The following NDUFA10 variants were observed in gnomAD, a reference collection of about 807,000 sequenced individuals.
NDUFA10 encodes NADH dehydrogenase [ubiquinone] 1 alpha subcomplex subunit 10, mitochondrial.
In NDUFA10, 40 loss-of-function variants were observed where a neutral mutation model predicts 47.8. The observed-to-expected ratio is 0.84, with a 90% CI of 0.65 to 1.09. The LOEUF (loss-of-function observed/expected upper bound fraction) is 1.09. Among genes scored for constraint, NDUFA10 ranks in the 50% least tolerant of loss-of-function variants. The pLI is 0.00. For missense variants in NDUFA10, 413 were observed against 451.1 expected, an observed-to-expected ratio of 0.92 and a Z score of 0.76; for synonymous variants, 183 against 172.2, an observed-to-expected ratio of 1.06 and a Z score of -0.49.
At chr2:239,957,048 T>TG (rs911079202), downstream of NDUFA10, among the ~76,000 whole-genome samples, 1 of 152,158 alleles carries the variant, frequency 6.6e-6, no homozygotes, top group Admixed American at 6.5e-5. Context: ...CAGTGGGCTC[T>TG]GGGGGGTGCC....
Position 239,960,806 on chromosome 2 carries a change from G to A in NDUFA10, c.*312C>T. ...CAATGTGCACAACCTGAATGACACA[G>A]AGCGGCAGCGCTGAAACCACAGGGG... On this transcript the variant is annotated 3_prime_UTR_variant, in exon 10 of 10. Transcript: ENST00000252711. 2 of 1,290,772 alleles carry A rather than the reference G, an allele frequency of 1.5e-6. No homozygotes were observed. The highest frequency in any genetic ancestry group is 1.5e-5 in the South Asian group (1 of 64,892). 80.0% of individuals were successfully genotyped at this position (1,290,772 alleles called of 1,614,324 possible). A position where few individuals can be genotyped will look rare whatever the true frequency, so the allele number is the denominator to read the frequency against.
intron 6 of NDUFA10, among the ~76,000 whole-genome samples, chr2:240,007,666 T>C (rs1487208427): frequency 6.6e-6 from 1 of 152,202 alleles, no homozygotes; most frequent in Non-Finnish European, 1.5e-5. Context: ...ACCACAGCCA[T>C]CACTGTCCAC....
At chr2:239,942,029 T>C (rs1393746689) in intron 4 of NDUFA10, among the ~76,000 whole-genome samples, 1 of 152,276 alleles carries the variant, frequency 6.6e-6, no homozygotes, top group Non-Finnish European at 1.5e-5. Context: ...AAATGGATTC[T>C]GCATATTGAA....
At position 239,899,453 on chromosome 2, in the gene NDUFA10, TGGAGGGGTGTGAC is replaced by T. The variant is rs1381510392; in HGVS notation, c.295-4152_295-4140del. On this transcript the variant is annotated intron_variant, in intron 4 of 5. Transcript: ENST00000419408. ...GATGGAGGAATGTGGAGGGTTGTGA[TGGAGGGGTGTGAC>T]GGAGGGGTGTGATGGAGAGGTGTGA... Among the ~76,000 whole-genome samples the T allele has an allele frequency of 8.6e-4, 124 of 143,552 alleles. 6 individuals are homozygous for T. The highest frequency in any genetic ancestry group is 2.8e-3 in the African/African-American group (108 of 38,704). The allele number at this position is 143,552 out of a possible 152,430, so 94.2% of individuals were successfully genotyped here. A position where few individuals can be genotyped will look rare whatever the true frequency, so the allele number is the denominator to read the frequency against.
At chr2:239,919,798 T>A (rs989278043) in intron 4 of NDUFA10, among the ~76,000 whole-genome samples, 5 of 152,168 alleles carry the variant, frequency 3.3e-5, no homozygotes, top group African/African-American at 1.2e-4. Context: ...CCTGAACACA[T>A]CTTCCATGAA....
At chr2:239,965,666 A>G (rs562151040) in intron 9 of NDUFA10, among the ~76,000 whole-genome samples, 16 of 152,322 alleles carry the variant, frequency 1.1e-4, no homozygotes, top group African/African-American at 3.8e-4. Context: ...GAACTATCTC[A>G]GGTGAACTAT....
rs537543802 is a variant in NDUFA10, at chr2:240,014,770, T to A, written c.638A>T (p.Glu213Val). ...TTTCTTCTGAATCCGCCTCTGGACC[T>A]CTGGAACGGGCACATCGATGTAAAT... Reference protein sequence around the residue: ...LVIYIDVPVPEVQRRIQKKGD... With the variant: ...LVIYIDVPVPVVQRRIQKKGD... Residue 213 changes from glutamate to valine, a missense_variant, in exon 5 of 10, where the codon GAG (glutamate) becomes GTG (valine). By Grantham distance (121) the Glu-to-Val change is moderately radical (BLOSUM62 -2). Coordinates refer to ENST00000252711, the MANE Select transcript of NDUFA10 (RefSeq NM_004544.4). 9 of 1,614,254 alleles carry A rather than the reference T, an allele frequency of 5.6e-6. No individual in the cohort carries two copies. The South Asian group carries it at 9.9e-5, about 18-fold the overall frequency.
chr2:240,018,684 C>G lies in NDUFA10; in HGVS notation c.461-45G>C, dbSNP rs368539969. 4.4e-6 allele frequency: 7 copies of G among 1,584,726 alleles called. No homozygotes were observed. The African/African-American group carries it at 9.4e-5, about 21-fold the overall frequency. ...CAGAAATTGAAAATCAGACAGATAGCAAAGCACTGTCAACTGATCACTGCA... is the reference window on the plus strand; with the variant it reads ...CAGAAATTGAAAATCAGACAGATAGGAAAGCACTGTCAACTGATCACTGCA... On this transcript the variant is annotated intron_variant, in intron 3 of 9. Coordinates refer to ENST00000252711, the MANE Select transcript of NDUFA10 (RefSeq NM_004544.4).
chr2:240,014,409 A>T (rs903425758), intron 5 of NDUFA10: 4 of 388,368 alleles, frequency 1.0e-5, no homozygotes, highest in African/African-American at 8.3e-5. Context: ...CTCATCAGAG[A>T]ACAGAAAGGT....
chr2:239,999,815 C>T (rs1696632386), intron 8 of NDUFA10, among the ~76,000 whole-genome samples: 1 of 152,240 alleles, frequency 6.6e-6, no homozygotes, highest in African/African-American at 2.4e-5. Flanking sequence ...AGAGCCTTCC[C>T]GTGGCTTTCC....
At chr2:239,931,501 G>A (rs574539195) in intron 4 of NDUFA10, among the ~76,000 whole-genome samples, 4 of 152,322 alleles carry the variant, frequency 2.6e-5, no homozygotes, top group South Asian at 4.1e-4. Context: ...GACACCACTC[G>A]CCTCGCCACA....
At chr2:240,005,376 T>C (rs1332143023) in intron 7 of NDUFA10, 81 bp from the exon 8 acceptor site, 1 of 1,121,950 alleles carries the variant, frequency 8.9e-7, no homozygotes, top group African/African-American at 1.5e-5. Context: ...TGAGACAGGG[T>C]CCGGCTCTAT....
intron 9 of NDUFA10, among the ~76,000 whole-genome samples, chr2:239,964,056 G>A (rs976594102): frequency 7.2e-5 from 11 of 152,322 alleles, no homozygotes; most frequent in South Asian, 2.1e-4. Context: ...GTAATGGCAC[G>A]TATGTCTATG....
At chr2:239,990,516 C>CA (rs1177268427) in intron 8 of NDUFA10, among the ~76,000 whole-genome samples, 2 of 152,180 alleles carry the variant, frequency 1.3e-5, no homozygotes, top group Non-Finnish European at 2.9e-5. Context: ...ATAGCAGGAA[C>CA]AAAAAGCTAG....
At chr2:239,975,872 C>T (rs755397519) in intron 9 of NDUFA10, among the ~76,000 whole-genome samples, 11 of 152,218 alleles carry the variant, frequency 7.2e-5, no homozygotes, top group Middle Eastern at 3.4e-3. Context: ...GATCCCAGAC[C>T]GTCGGTTCTG....
At chr2:239,932,767 G>A (rs550281801) in intron 4 of NDUFA10, among the ~76,000 whole-genome samples, 2 of 152,144 alleles carry the variant, frequency 1.3e-5, no homozygotes, top group East Asian at 3.9e-4. Flanking sequence ...ATTTTTAGTA[G>A]AGACGGGGTT....
chr2:239,986,983 C>T (rs1405663070), intron 9 of NDUFA10, among the ~76,000 whole-genome samples: 1 of 152,170 alleles, frequency 6.6e-6, no homozygotes, highest in Non-Finnish European at 1.5e-5. Flanking sequence ...GTTCTGTAGT[C>T]TTCAAAAATG....
intron 4 of NDUFA10, among the ~76,000 whole-genome samples, chr2:239,949,621 A>G (rs4514904): frequency 0.55 from 82,963 of 151,686 alleles, 22,818 homozygotes; most frequent in East Asian, 0.66. Flanking sequence ...AGCCTCCCAC[A>G]TAGCTGGGAC....
chr2:239,952,469 T>C (rs1694572563), downstream of NDUFA10, among the ~76,000 whole-genome samples: 1 of 152,112 alleles, frequency 6.6e-6, no homozygotes. Context: ...TGGCAGCCGG[T>C]GGGCACTCAC....
Sources: gnomAD v4.1 joint callset for allele counts (sites outside exome capture counted in the v4.1 genomes callset) on GRCh38, gnomAD v4.1.1 for gene constraint, MANE v1.5 for transcripts, NCBI Gene and HGNC (gene_info 2026-07-23, HGNC 2026-07-21) for gene names.